The following PARD3 variants were observed in gnomAD, a reference collection of about 807,000 sequenced individuals.
PARD3 encodes the protein par-3 family cell polarity regulator.
PARD3 carries 75 observed loss-of-function variants against 155.4 expected under a neutral mutation model. That is an observed-to-expected ratio of 0.48 (90% CI 0.40 to 0.58). The LOEUF is 0.58. PARD3 is among the 20% of genes least tolerant of loss of function. PARD3 has a pLI of 0.00. For synonymous variants in PARD3, 576 were observed against 610.5 expected, an observed-to-expected ratio of 0.94 and a Z score of 0.83; for missense variants, 1,642 against 1,721.7, an observed-to-expected ratio of 0.95 and a Z score of 0.82.
chr10:34,508,914 T>A (rs1448304509), intron 3 of PARD3, among the ~76,000 whole-genome samples: 2 of 152,190 alleles, frequency 1.3e-5, no homozygotes, highest in African/African-American at 4.8e-5. Context: ...ACAGGCTGCA[T>A]TAGAACTGTG....
chr10:34,447,096 G>A (rs945567324), intron 5 of PARD3, among the ~76,000 whole-genome samples: 2 of 152,114 alleles, frequency 1.3e-5, no homozygotes, highest in Non-Finnish European at 2.9e-5. Context: ...TAAAAGCACT[G>A]AAAAATGATC....
intron 2 of PARD3, among the ~76,000 whole-genome samples, chr10:34,565,963 A>T (rs1239782764): frequency 6.6e-6 from 1 of 152,224 alleles, no homozygotes; most frequent in East Asian, 1.9e-4. Flanking sequence ...CAATGATTAA[A>T]TACAGTCCAG....
chr10:34,531,383 T>C (rs532900564), intron 2 of PARD3, among the ~76,000 whole-genome samples: 19 of 152,186 alleles, frequency 1.2e-4, no homozygotes, highest in Non-Finnish European at 2.5e-4. Flanking sequence ...TTTAAAAAAT[T>C]ATCAAACCAT....
At chr10:34,423,862 A>G (rs1253080273) in intron 5 of PARD3, among the ~76,000 whole-genome samples, 2 of 152,162 alleles carry the variant, frequency 1.3e-5, no homozygotes, top group Non-Finnish European at 2.9e-5. Context: ...AACTCACAGA[A>G]CCGTTATTAA....
chr10:34,180,330 C>A, intron 22 of PARD3, among the ~76,000 whole-genome samples: 1 of 152,186 alleles, frequency 6.6e-6, no homozygotes, highest in Admixed American at 6.5e-5. Context: ...CAGGCATGAG[C>A]CAATGCGCCT....
At chr10:34,289,525 G>A (rs933066095) in intron 20 of PARD3, among the ~76,000 whole-genome samples, 1 of 151,740 alleles carries the variant, frequency 6.6e-6, no homozygotes, top group East Asian at 1.9e-4. Flanking sequence ...AATAAGTAGA[G>A]GGATAAAAAG....
At chr10:34,504,001 C>T (rs550864910) in intron 3 of PARD3, among the ~76,000 whole-genome samples, 1 of 152,264 alleles carries the variant, frequency 6.6e-6, no homozygotes, top group South Asian at 2.1e-4. Flanking sequence ...GGGATCAGTT[C>T]TGAGACATGA....
chr10:34,740,205 A>G (rs781547653), intron 1 of PARD3, among the ~76,000 whole-genome samples: 2 of 152,218 alleles, frequency 1.3e-5, no homozygotes, highest in Non-Finnish European at 2.9e-5. Flanking sequence ...CTCCAGTTCC[A>G]GCAGAGCTGG....
At chr10:34,428,275 G>C (rs777150005) in intron 5 of PARD3, among the ~76,000 whole-genome samples, 3 of 152,152 alleles carry the variant, frequency 2.0e-5, no homozygotes, top group Non-Finnish European at 2.9e-5. Context: ...AAGCCTAGTC[G>C]TAAGAGACAA....
intron 1 of PARD3, among the ~76,000 whole-genome samples, chr10:34,743,015 C>A (rs1305940168): frequency 6.6e-6 from 1 of 152,112 alleles, no homozygotes; most frequent in Non-Finnish European, 1.5e-5. Context: ...AAGAAAGGAA[C>A]GTAATATCTA....
At chr10:34,792,966 T>G (rs1841847866) in intron 1 of PARD3, among the ~76,000 whole-genome samples, 1 of 152,246 alleles carries the variant, frequency 6.6e-6, no homozygotes, top group African/African-American at 2.4e-5. Flanking sequence ...TTCAACATAA[T>G]CTACTTTTGC....
chr10:34,127,400 C>G (rs1019641506), intron 23 of PARD3, among the ~76,000 whole-genome samples: 18 of 152,158 alleles, frequency 1.2e-4, no homozygotes, highest in Admixed American at 6.5e-4. Context: ...CTGATGTGGT[C>G]CTCACAGCTC....
At chr10:34,192,883 C>T (rs1950777148) in intron 22 of PARD3, among the ~76,000 whole-genome samples, 1 of 152,196 alleles carries the variant, frequency 6.6e-6, no homozygotes, top group Non-Finnish European at 1.5e-5. Context: ...CTCAAATTAT[C>T]ATGCCCGCCT....
In PARD3 at chr10:34,145,175, T is replaced by TTGTGTGTGTG. The variant is rs756883064; in HGVS notation, c.3420-13602_3420-13593dup. ...TTATATTCTGATTCTCAACTCTTCA[T>TTGTGTGTGTG]TGTGTGTGTGTGTGTATATATATAT... On this transcript the variant is annotated intron_variant, in intron 22 of 24. Coordinates refer to ENST00000374788, the MANE Select transcript of PARD3 (RefSeq NM_001184785.2). 2.2e-4 allele frequency among the ~76,000 whole-genome samples: 25 copies of TTGTGTGTGTG among 115,110 alleles called. 1 individual carries two copies. The highest frequency in any genetic ancestry group is 8.9e-4 in the African/African-American group (24 of 26,824). The allele number at this position is 115,110 out of a possible 152,430, so 75.5% of individuals were successfully genotyped here. A position where few individuals can be genotyped will look rare whatever the true frequency, so the allele number is the denominator to read the frequency against.
At chr10:34,600,729 C>T (rs571579403) in intron 2 of PARD3, among the ~76,000 whole-genome samples, 1 of 152,150 alleles carries the variant, frequency 6.6e-6, no homozygotes, top group Admixed American at 6.5e-5. Flanking sequence ...CCTCCCCAAA[C>T]AGTATCATTT....
intron 2 of PARD3, among the ~76,000 whole-genome samples, chr10:34,523,019 G>A (rs1170250124): frequency 1.3e-5 from 2 of 152,134 alleles, no homozygotes; most frequent in Non-Finnish European, 2.9e-5. Flanking sequence ...TTAATCAAAC[G>A]TAATAACCTG....
intron 15 of PARD3, among the ~76,000 whole-genome samples, chr10:34,347,449 AG>A (rs1231525952): frequency 1.8e-4 from 23 of 130,902 alleles, no homozygotes; most frequent in Admixed American, 6.2e-4. Context: ...CTAAAGCTTC[AG>A]AAAAGTAAAA....
intron 1 of PARD3, among the ~76,000 whole-genome samples, chr10:34,784,152 A>C (rs879866620): frequency 6.6e-5 from 10 of 152,132 alleles, no homozygotes; most frequent in Non-Finnish European, 1.3e-4. Context: ...TGGAGGCTGC[A>C]GTGAGCTGTG....
In PARD3 at chr10:34,119,632, G is replaced by C. The variant is rs1946874449; in HGVS notation, c.3649C>G (p.Gln1217Glu). 4 of 1,610,130 alleles carry C rather than the reference G, an allele frequency of 2.5e-6. No individual in the cohort carries two copies. Among genetic ancestry groups the C allele is most frequent in the Non-Finnish European group, 3.4e-6 (4 of 1,178,400 alleles). The change falls in exon 24 of 25, where the codon CAG (glutamine) becomes GAG (glutamate). Residue 1217 changes from glutamine (Q) to glutamate (E), a missense_variant. By Grantham distance (29) the Gln-to-Glu change is conservative. Coordinates refer to ENST00000374788, the MANE Select transcript of PARD3 (RefSeq NM_001184785.2). ...TCATACCGAGGCAGAGAGCTGTACT[G>C]GCGCTGGGCCTGCTGGGAGCTCTCG... ...ERESSQQAQR[Q>E]YSSLPRQSRK...
Sources: gnomAD v4.1 joint callset for allele counts (sites outside exome capture counted in the v4.1 genomes callset) on GRCh38, gnomAD v4.1.1 for gene constraint, MANE v1.5 for transcripts, NCBI Gene and HGNC (gene_info 2026-07-23, HGNC 2026-07-21) for gene names.